RARB: variants seen among roughly 807,000 people sequenced by gnomAD.
RARB encodes retinoic acid receptor beta.
Under a neutral mutation model 51.9 loss-of-function variants are expected in RARB, and 17 were observed. That is an observed-to-expected ratio of 0.33 (90% CI 0.22 to 0.49). The LOEUF is 0.49. Among genes scored for constraint, RARB ranks in the 20% least tolerant of loss-of-function variants. The pLI, the probability that RARB is intolerant of heterozygous loss-of-function variation, is 0.99. For missense variants in RARB, 369 were observed against 550.8 expected (o/e 0.67, Z 3.30); for synonymous variants, 215 against 195.4 (o/e 1.10, Z -0.84).
intron 2 of RARB, among the ~76,000 whole-genome samples, chr3:24,929,668 C>T (rs1050789511): frequency 6.6e-6 from 1 of 152,038 alleles, no homozygotes; most frequent in African/African-American, 2.4e-5. Flanking sequence ...TCATTTCTAG[C>T]AGCTAGGCTG....
intron 2 of RARB, among the ~76,000 whole-genome samples, chr3:25,003,565 T>A (rs139166813): frequency 6.6e-6 from 1 of 152,262 alleles, no homozygotes; most frequent in Admixed American, 6.5e-5. Flanking sequence ...ACTACTGGCC[T>A]TACTAATATG....
intron 5 of RARB, among the ~76,000 whole-genome samples, chr3:25,239,315 G>A (rs180858541): frequency 1.8e-4 from 28 of 152,208 alleles, no homozygotes; most frequent in African/African-American, 5.5e-4. Flanking sequence ...ATATAGTACC[G>A]TTTGTTGATT....
chr3:25,494,169 C>T (rs1696885841), intron 2 of RARB, among the ~76,000 whole-genome samples: 1 of 151,754 alleles, frequency 6.6e-6, no homozygotes, highest in Non-Finnish European at 1.5e-5. Context: ...CAGAAGAGTA[C>T]AGTGTCTCTC....
intron 5 of RARB, chr3:25,352,471 C>G (rs1034745678): frequency 1.3e-5 from 2 of 152,120 alleles, no homozygotes; most frequent in African/African-American, 4.8e-5. Flanking sequence ...AGTTTAAAAC[C>G]ATTTGTTATT....
chr3:25,444,625 T>C (rs1708848305), intron 1 of RARB, among the ~76,000 whole-genome samples: 2 of 152,226 alleles, frequency 1.3e-5, no homozygotes, highest in Admixed American at 6.5e-5. Flanking sequence ...TATTATGGCC[T>C]ATTACCTGCA....
chr3:25,035,108 TA>T (rs1697958885), intron 2 of RARB, among the ~76,000 whole-genome samples: 1 of 152,162 alleles, frequency 6.6e-6, no homozygotes, highest in Non-Finnish European at 1.5e-5. Context: ...ACATGTCAGG[TA>T]CTGTTAACTG....
intron 5 of RARB, among the ~76,000 whole-genome samples, chr3:25,176,554 C>T (rs113057688): frequency 7.9e-5 from 12 of 151,432 alleles, no homozygotes; most frequent in African/African-American, 2.2e-4. Context: ...CACCACCACA[C>T]CCAGCTAATT....
chr3:25,036,679 G>T (rs1170491664), intron 2 of RARB, among the ~76,000 whole-genome samples: 1 of 152,126 alleles, frequency 6.6e-6, no homozygotes, highest in African/African-American at 2.4e-5. Context: ...CCTGAGTGTG[G>T]TGCCAACAAT....
At chr3:25,186,872 G>T (rs1559497296) in intron 5 of RARB, among the ~76,000 whole-genome samples, 1 of 144,004 alleles carries the variant, frequency 6.9e-6, no homozygotes, top group Non-Finnish European at 1.5e-5. Flanking sequence ...AAGACCCAAA[G>T]AAAAAGGTAA....
At chr3:25,414,217 T>A (rs1005927279) in intron 5 of RARB, among the ~76,000 whole-genome samples, 2 of 152,236 alleles carry the variant, frequency 1.3e-5, no homozygotes, top group African/African-American at 4.8e-5. Flanking sequence ...ATGATTATTA[T>A]GAGATTCATT....
At chr3:24,928,273 G>C (rs1695361496) in intron 2 of RARB, among the ~76,000 whole-genome samples, 1 of 151,762 alleles carries the variant, frequency 6.6e-6, no homozygotes, top group Non-Finnish European at 1.5e-5. Context: ...TGGTGGACTG[G>C]ATTTCAAAGA....
intron 3 of RARB, among the ~76,000 whole-genome samples, chr3:25,091,721 A>G (rs932539596): frequency 6.6e-6 from 1 of 152,154 alleles, no homozygotes; most frequent in Non-Finnish European, 1.5e-5. Context: ...CATTCTGGAA[A>G]CTGAAATGTG....
intron 2 of RARB, among the ~76,000 whole-genome samples, chr3:25,497,934 C>G (rs1254644200): frequency 6.6e-6 from 1 of 151,922 alleles, no homozygotes; most frequent in Non-Finnish European, 1.5e-5. Context: ...TTTTTTTTCT[C>G]TGAATTCCTC....
intron 5 of RARB, among the ~76,000 whole-genome samples, chr3:25,376,930 TA>T (rs1277868681): frequency 6.6e-6 from 1 of 152,240 alleles, no homozygotes; most frequent in East Asian, 1.9e-4. Flanking sequence ...GTGCCATGTG[TA>T]AAAGATGGTG....
chr3:24,903,491 A>C (rs1322245208), intron 2 of RARB, among the ~76,000 whole-genome samples: 1 of 152,192 alleles, frequency 6.6e-6, no homozygotes, highest in Non-Finnish European at 1.5e-5. Context: ...TGTCAATATA[A>C]TCATAAATAT....
chr3:25,154,922 G>T (rs1426937089), intron 4 of RARB, among the ~76,000 whole-genome samples: 1 of 152,196 alleles, frequency 6.6e-6, no homozygotes, highest in African/African-American at 2.4e-5. Flanking sequence ...GGAAGCAGGG[G>T]TGGCATGAGC....
At chr3:25,201,580 CT>C (rs1701390451) in intron 5 of RARB, among the ~76,000 whole-genome samples, 1 of 152,118 alleles carries the variant, frequency 6.6e-6, no homozygotes, top group South Asian at 2.1e-4. Context: ...TCATAAATAG[CT>C]CTTATTATTT....
In RARB at chr3:25,044,304, T is replaced by G. The variant is rs116874371; in HGVS notation, c.-379-15821T>G. Among the ~76,000 whole-genome samples, 145 of 152,270 alleles carry G rather than the reference T, an allele frequency of 9.5e-4. 1 individual carries two copies. The East Asian group carries it at 0.024, about 25-fold the overall frequency. ...CCTAGCTGGGCAAAACATGAGAAAT[T>G]GGCCTTGTGTCAACTTTTTAAAATG... On this transcript the variant is annotated intron_variant, in intron 2 of 11. Transcript: ENST00000383772.
rs562293918 is a variant in RARB at position 25,517,033 on chromosome 3, T to C, written c.448+15710T>C. ...TCTTCCCTAATGCCAGTTTGCAGAG[T>C]ACGAGCAATTAATCCAGCATTCGAA... On this transcript the variant is annotated intron_variant, in intron 3 of 7. Transcript: ENST00000330688. 2.0e-5 allele frequency among the ~76,000 whole-genome samples: 3 copies of C among 152,242 alleles called. No individual in the cohort carries two copies. The East Asian group carries it at 5.8e-4, about 29-fold the overall frequency.
Sources: gnomAD v4.1 joint callset for allele counts (sites outside exome capture counted in the v4.1 genomes callset) on GRCh38, gnomAD v4.1.1 for gene constraint, MANE v1.5 for transcripts, NCBI Gene and HGNC (gene_info 2026-07-23, HGNC 2026-07-21) for gene names.